Variants in NALCN observed in about 807,000 individuals in gnomAD.
NALCN encodes the protein sodium leak channel, non-selective.
A neutral mutation model predicts 225.3 loss-of-function variants in NALCN; 111 were observed. The observed-to-expected ratio is 0.49, with a 90% CI of 0.42 to 0.58. NALCN has a LOEUF of 0.58. Among genes scored for constraint, NALCN ranks in the 20% least tolerant of loss-of-function variants. NALCN has a pLI of 0.00. For missense variants in NALCN, 1,378 were observed against 2,202.4 expected, an observed-to-expected ratio of 0.63 and a Z score of 7.49; for synonymous variants, 764 against 769.0, an observed-to-expected ratio of 0.99 and a Z score of 0.11.
At chr13:101,246,209 T>A (rs1272911648) in intron 11 of NALCN, among the ~76,000 whole-genome samples, 1 of 152,118 alleles carries the variant, frequency 6.6e-6, no homozygotes, top group Non-Finnish European at 1.5e-5. Context: ...GTTTAACTAA[T>A]CTCGTAAACA....
chr13:101,299,832 A>G (rs1216713630), intron 7 of NALCN, among the ~76,000 whole-genome samples: 2 of 152,130 alleles, frequency 1.3e-5, no homozygotes, highest in Non-Finnish European at 2.9e-5. Flanking sequence ...TTTTAGCCAC[A>G]TATTAAAAAA....
At chr13:101,392,015 C>A (rs574344953) in intron 3 of NALCN, among the ~76,000 whole-genome samples, 262 of 148,518 alleles carry the variant, frequency 1.8e-3, no homozygotes, top group African/African-American at 6.2e-3. Flanking sequence ...AAAAAAAAAA[C>A]AAAAAATAAA....
chr13:101,306,892 T>C (rs1187709391), intron 7 of NALCN, among the ~76,000 whole-genome samples: 1 of 152,182 alleles, frequency 6.6e-6, no homozygotes, highest in Non-Finnish European at 1.5e-5. Context: ...TCAGGTGCTA[T>C]TATCAGGTGC....
chr13:101,283,452 A>C (rs1049335920), intron 10 of NALCN, among the ~76,000 whole-genome samples: 7 of 152,304 alleles, frequency 4.6e-5, no homozygotes, highest in African/African-American at 1.7e-4. Flanking sequence ...GAGGACTCTC[A>C]GGCCCCACCT....
intron 10 of NALCN, among the ~76,000 whole-genome samples, chr13:101,280,651 C>T (rs1359271584): frequency 1.3e-5 from 2 of 152,122 alleles, no homozygotes; most frequent in Admixed American, 6.5e-5. Context: ...CTATCACGAA[C>T]TTATGATTAC....
intron 10 of NALCN, among the ~76,000 whole-genome samples, chr13:101,283,317 C>T (rs550810262): frequency 6.6e-6 from 1 of 152,072 alleles, no homozygotes; most frequent in South Asian, 2.1e-4. Flanking sequence ...GTTTATTGGG[C>T]CTTATTGTTA....
chr13:101,099,886 T>G (rs1012319939), intron 27 of NALCN, among the ~76,000 whole-genome samples: 18 of 152,170 alleles, frequency 1.2e-4, no homozygotes, highest in African/African-American at 2.4e-5. Context: ...AGTGGTCATT[T>G]GGAGGAGAGC....
chr13:101,356,690 C>T (rs2046072542), intron 6 of NALCN, among the ~76,000 whole-genome samples: 1 of 152,170 alleles, frequency 6.6e-6, no homozygotes, highest in Non-Finnish European at 1.5e-5. Flanking sequence ...TTTATGAGGT[C>T]AGCATCATCC....
At chr13:101,406,811 A>C (rs372432017) in intron 1 of NALCN, among the ~76,000 whole-genome samples, 5 of 152,164 alleles carry the variant, frequency 3.3e-5, no homozygotes, top group East Asian at 1.9e-4. Flanking sequence ...TTTTTCTCTA[A>C]ATTTGGTAAA....
rs1488256188 is a variant in NALCN, at chr13:101,083,145, T to TA, written c.3636dup (p.Lys1213Ter). On this transcript the variant is annotated frameshift_variant, in exon 32 of 44. Transcript: ENST00000251127. LOFTEE classifies it high-confidence loss of function. ...AGGACGAGTAATGCGATTGTCCTCT[T>TA]AAAAAATGGATGCTGGGTTATGTCA... 1.2e-6 allele frequency: 2 copies of TA among 1,614,006 alleles called. No homozygotes were observed. The highest frequency in any genetic ancestry group is 1.7e-6 in the Non-Finnish European group (2 of 1,180,000).
intron 15 of NALCN, among the ~76,000 whole-genome samples, chr13:101,159,355 C>T (rs1342000820): frequency 1.3e-5 from 2 of 152,152 alleles, no homozygotes; most frequent in African/African-American, 2.4e-5. Context: ...AGTGCCAGAG[C>T]TTGCAGCACA....
At chr13:101,156,852 G>A (rs187071641) in intron 15 of NALCN, among the ~76,000 whole-genome samples, 2 of 152,296 alleles carry the variant, frequency 1.3e-5, no homozygotes, top group African/African-American at 2.4e-5. Context: ...GACCCCAGCA[G>A]TGTCCTATTC....
At chr13:101,132,027 T>G (rs1025050838) in intron 17 of NALCN, among the ~76,000 whole-genome samples, 1 of 152,126 alleles carries the variant, frequency 6.6e-6, no homozygotes, top group Non-Finnish European at 1.5e-5. Context: ...TCTTTATTAT[T>G]TCTTTCTTTC....
chr13:101,262,606 C>T (rs1475394247), intron 10 of NALCN, among the ~76,000 whole-genome samples: 2 of 152,182 alleles, frequency 1.3e-5, no homozygotes, highest in Non-Finnish European at 2.9e-5. Context: ...CCTTGCAGCT[C>T]AAAGAGCTAT....
chr13:101,347,140 T>TACACACACACAC (rs56838607), intron 6 of NALCN, among the ~76,000 whole-genome samples: 21 of 149,542 alleles, frequency 1.4e-4, no homozygotes, highest in African/African-American at 2.7e-4. Flanking sequence ...TACATAGTTT[T>TACACACACACAC]ACACACACAC....
chr13:101,237,662 A>G, intron 12 of NALCN, 93 bp downstream of exon 12: 1 of 597,020 alleles, frequency 1.7e-6, no homozygotes, highest in Non-Finnish European at 2.5e-6. Flanking sequence ...TAAATATTAT[A>G]TATAATTCTA....
At chr13:101,212,048 C>A (rs2040544914) in intron 13 of NALCN, among the ~76,000 whole-genome samples, 1 of 151,976 alleles carries the variant, frequency 6.6e-6, no homozygotes, top group Non-Finnish European at 1.5e-5. Flanking sequence ...CAGTTCCAAC[C>A]ACTGAAGACC....
chr13:101,252,710 A>G (rs561093799), intron 11 of NALCN, among the ~76,000 whole-genome samples: 1 of 152,244 alleles, frequency 6.6e-6, no homozygotes, highest in Non-Finnish European at 1.5e-5. Flanking sequence ...TTAATACTTA[A>G]CACCAGGAGG....
At chr13:101,282,778 T>C (rs1283252556) in intron 10 of NALCN, among the ~76,000 whole-genome samples, 4 of 152,180 alleles carry the variant, frequency 2.6e-5, no homozygotes, top group Non-Finnish European at 5.9e-5. Context: ...ACCTTAAGTA[T>C]TTACAATTTT....
Sources: gnomAD v4.1 joint callset for allele counts (sites outside exome capture counted in the v4.1 genomes callset) on GRCh38, gnomAD v4.1.1 for gene constraint, MANE v1.5 for transcripts, NCBI Gene and HGNC (gene_info 2026-07-23, HGNC 2026-07-21) for gene names.